Variants in TULP3 observed in about 807,000 individuals in gnomAD.
TULP3 encodes TUB like protein 3.
TULP3 carries 38 observed loss-of-function variants against 50.7 expected under a neutral mutation model. The observed-to-expected ratio is 0.75, with a 90% CI of 0.58 to 0.98. The LOEUF is 0.98. Ranked by LOEUF, TULP3 falls within the 50% of genes least tolerant of loss-of-function variation. The pLI is 0.00. For missense variants in TULP3, 550 were observed against 568.0 expected (o/e 0.97, Z 0.32); for synonymous variants, 183 against 196.6 (o/e 0.93, Z 0.58).
chr12:2,904,243 G>T (rs1297740783), intron 1 of TULP3, among the ~76,000 whole-genome samples: 3 of 152,090 alleles, frequency 2.0e-5, no homozygotes, highest in African/African-American at 7.2e-5. Context: ...GTAAATAAAG[G>T]TTCACCACAT....
intron 6 of TULP3, among the ~76,000 whole-genome samples, chr12:2,931,905 C>T (rs1384743945): frequency 1.3e-5 from 2 of 152,072 alleles, no homozygotes; most frequent in African/African-American, 2.4e-5. Flanking sequence ...GGTAGGATTT[C>T]TTACCTCTGC....
intron 2 of TULP3, among the ~76,000 whole-genome samples, chr12:2,911,094 T>G (rs1390883692): frequency 1.3e-5 from 2 of 152,092 alleles, no homozygotes; most frequent in East Asian, 3.8e-4. Context: ...TTTCTGAGTT[T>G]TTTTTTTTAA....
intron 8 of TULP3, 47 bp downstream of exon 8, chr12:2,934,608 G>C: frequency 7.5e-7 from 1 of 1,338,540 alleles, no homozygotes; most frequent in Non-Finnish European, 1.0e-6. Flanking sequence ...CTGGTGTCCT[G>C]CTGGCACTTT....
intron 4 of TULP3, among the ~76,000 whole-genome samples, chr12:2,924,568 CT>C (rs1395737112): frequency 6.6e-6 from 1 of 151,862 alleles, no homozygotes; most frequent in Non-Finnish European, 1.5e-5. Context: ...GTAGTCCCAG[CT>C]ACTTGAGAGG....
At chr12:2,897,984 A>G (rs12813521) in intron 1 of TULP3, among the ~76,000 whole-genome samples, 1 of 150,820 alleles carries the variant, frequency 6.6e-6, no homozygotes, top group Non-Finnish European at 1.5e-5. Context: ...AGGCTGAGGC[A>G]TGAGAATCAC....
chr12:2,892,684 G>T (rs2098172872), intron 1 of TULP3, among the ~76,000 whole-genome samples: 1 of 151,778 alleles, frequency 6.6e-6, no homozygotes, highest in Non-Finnish European at 1.5e-5. Flanking sequence ...GCTAATTTTT[G>T]TATTTTTAGT....
rs1555110454 is a variant in TULP3, at chr12:2,893,327, G to GGTTTTT, written c.41+2339_41+2340insGTTTTT. Among the ~76,000 whole-genome samples the GGTTTTT allele has an allele frequency of 1.2e-4, 15 of 128,162 alleles. 1 individual carries two copies. Among genetic ancestry groups the GGTTTTT allele is most frequent in the Non-Finnish European group, 4.8e-5 (3 of 62,746 alleles). 84.1% of individuals were successfully genotyped at this position (128,162 alleles called of 152,430 possible). A position where few individuals can be genotyped will look rare whatever the true frequency, so the allele number is the denominator to read the frequency against. On this transcript the variant is annotated intron_variant, in intron 1 of 10. Coordinates refer to ENST00000448120, the MANE Select transcript of TULP3 (RefSeq NM_003324.5). ...GGGCTTCAGGTTGTGTGTTTAATGT[G>GGTTTTT]TTTTTTTTTTTTTTTTTCCAAACGG...
intron 2 of TULP3, among the ~76,000 whole-genome samples, chr12:2,913,201 TTGTGTGTGTG>T (rs138018559): frequency 1.4e-5 from 2 of 146,486 alleles, no homozygotes; most frequent in African/African-American, 5.1e-5. Context: ...TATGTTGAGT[TTGTGTGTGTG>T]TGTGTGTGTG....
intron 2 of TULP3, among the ~76,000 whole-genome samples, chr12:2,911,497 C>T (rs1366771510): frequency 2.0e-5 from 3 of 150,562 alleles, no homozygotes; most frequent in South Asian, 2.1e-4. Context: ...GGACTACAGG[C>T]GCCTGCCACC....
Position 2,940,249 on chromosome 12 carries a change from C to G in TULP3, c.*805C>G. The G allele has an allele frequency of 7.3e-7, 1 of 1,374,270 alleles. No homozygotes were observed. The highest frequency in any genetic ancestry group is 1.2e-5 in the South Asian group (1 of 81,740). 85.1% of individuals were successfully genotyped at this position (1,374,270 alleles called of 1,614,324 possible). ...ATCCATTAGTGAGGAGCGACACACACACCTGTAGGCATCCTGTGCAAACAC... is the reference window on the plus strand; with the variant it reads ...ATCCATTAGTGAGGAGCGACACACAGACCTGTAGGCATCCTGTGCAAACAC... On this transcript the variant is annotated 3_prime_UTR_variant, in exon 11 of 11. Transcript: ENST00000448120.
chr12:2,918,876 G>A (rs2098190166), intron 2 of TULP3, among the ~76,000 whole-genome samples: 1 of 151,100 alleles, frequency 6.6e-6, no homozygotes, highest in Non-Finnish European at 1.5e-5. Flanking sequence ...AAGACCTCTT[G>A]GTTGCTAGAA....
intron 2 of TULP3, among the ~76,000 whole-genome samples, chr12:2,913,776 A>G (rs1201892141): frequency 6.6e-6 from 1 of 151,828 alleles, no homozygotes; most frequent in Non-Finnish European, 1.5e-5. Flanking sequence ...ACACCTGGCT[A>G]ATTTTTGTAT....
chr12:2,900,284 C>T (rs560905470), intron 1 of TULP3, among the ~76,000 whole-genome samples: 4 of 152,262 alleles, frequency 2.6e-5, no homozygotes, highest in Admixed American at 6.5e-5. Context: ...GTCTCTGGAC[C>T]GTACTTTCCT....
intron 6 of TULP3, among the ~76,000 whole-genome samples, chr12:2,931,853 C>CTA (rs1305181896): frequency 2.0e-5 from 3 of 152,032 alleles, no homozygotes; most frequent in Admixed American, 6.6e-5. Context: ...GCATATATAT[C>CTA]TATATATATT....
At chr12:2,891,155 C>T (rs2153946926) in intron 1 of TULP3, among the ~76,000 whole-genome samples, 167 bp downstream of exon 1, 1 of 152,286 alleles carries the variant, frequency 6.6e-6, no homozygotes, top group African/African-American at 2.4e-5. Context: ...GCCCTACTCC[C>T]GTGTGGGGAC....
At chr12:2,892,461 A>AG (rs1684813600) in intron 1 of TULP3, among the ~76,000 whole-genome samples, 4 of 150,690 alleles carry the variant, frequency 2.7e-5, no homozygotes, top group Non-Finnish European at 5.9e-5. Flanking sequence ...TTTTTTGGGG[A>AG]AAAAAAAACG....
intron 10 of TULP3, among the ~76,000 whole-genome samples, 167 bp downstream of exon 10, chr12:2,938,452 A>T (rs746659438): frequency 6.6e-5 from 10 of 152,174 alleles, no homozygotes; most frequent in Non-Finnish European, 8.8e-5. Context: ...AAAACTTGTA[A>T]ATCACTGTGT....
intron 1 of TULP3, among the ~76,000 whole-genome samples, chr12:2,894,083 C>A (rs1470005541): frequency 1.3e-5 from 2 of 151,994 alleles, no homozygotes; most frequent in Non-Finnish European, 1.5e-5. Context: ...GAACTTGAGC[C>A]CTATCTGGCC....
intron 4 of TULP3, among the ~76,000 whole-genome samples, chr12:2,925,448 G>A (rs545959938): frequency 2.0e-5 from 3 of 152,278 alleles, no homozygotes; most frequent in East Asian, 1.9e-4. Context: ...GAGGAAGGGA[G>A]GGGGTGATTC....
Sources: allele counts gnomAD v4.1 joint callset (sites outside exome capture counted in the v4.1 genomes callset), GRCh38; gene constraint gnomAD v4.1.1; transcripts MANE v1.5; gene names NCBI Gene and HGNC (gene_info 2026-07-23, HGNC 2026-07-21).